The following TMTC2 variants were observed in gnomAD, a reference collection of about 807,000 sequenced individuals.
TMTC2 encodes the protein protein O-mannosyl-transferase TMTC2.
Under a neutral mutation model 82.4 loss-of-function variants are expected in TMTC2, and 43 were observed. That is an observed-to-expected ratio of 0.52 (90% confidence interval 0.41 to 0.67). The LOEUF is 0.67. Ranked by LOEUF, TMTC2 falls within the 30% of genes least tolerant of loss-of-function variation. TMTC2 has a pLI of 0.00. For synonymous variants in TMTC2, 408 were observed against 381.9 expected (o/e 1.07, Z -0.80); for missense variants, 919 against 1,012.4 (o/e 0.91, Z 1.25).
chr12:82,831,991 A>G (rs569524058), intron 1 of TMTC2, among the ~76,000 whole-genome samples: 23 of 152,310 alleles, frequency 1.5e-4, no homozygotes, highest in African/African-American at 5.5e-4. Context: ...CGCTGACTAA[A>G]ACCGGACTCA....
intron 1 of TMTC2, among the ~76,000 whole-genome samples, chr12:82,772,178 A>G (rs1212817476): frequency 6.6e-6 from 1 of 152,208 alleles, no homozygotes; most frequent in Non-Finnish European, 1.5e-5. Context: ...GTTACTGTTT[A>G]TCTTGATAAG....
chr12:82,845,892 A>G (rs1003936503), intron 1 of TMTC2, among the ~76,000 whole-genome samples: 3 of 149,530 alleles, frequency 2.0e-5, no homozygotes, highest in Admixed American at 6.6e-5. Context: ...CGTGATAAAC[A>G]TTCTTTTAAA....
chr12:83,022,653 A>G (rs1039610932), intron 8 of TMTC2, among the ~76,000 whole-genome samples: 1 of 150,920 alleles, frequency 6.6e-6, no homozygotes, highest in Non-Finnish European at 1.5e-5. Flanking sequence ...TACTTTGACC[A>G]TTAGCGTAGT....
intron 1 of TMTC2, among the ~76,000 whole-genome samples, chr12:82,818,958 A>G (rs764676133): frequency 1.3e-5 from 2 of 151,836 alleles, no homozygotes; most frequent in Non-Finnish European, 2.9e-5. Flanking sequence ...TTCTGTTTTT[A>G]AATTTTGGTG....
chr12:82,830,545 A>C (rs7299341), intron 1 of TMTC2, among the ~76,000 whole-genome samples: 24,887 of 151,958 alleles, frequency 0.16, 3,693 homozygotes, highest in African/African-American at 0.4. Context: ...TTTTTCTTAC[A>C]ATGACACCTT....
chr12:83,068,045 A>T (rs1882981477), intron 11 of TMTC2, among the ~76,000 whole-genome samples: 1 of 152,142 alleles, frequency 6.6e-6, no homozygotes, highest in Admixed American at 6.6e-5. Context: ...AGCAATGATT[A>T]TATGTCAAAA....
intron 2 of TMTC2, among the ~76,000 whole-genome samples, chr12:82,888,929 A>C (rs1315557393): frequency 6.6e-6 from 1 of 152,190 alleles, no homozygotes; most frequent in African/African-American, 2.4e-5. Flanking sequence ...AAATATTTTT[A>C]ATTTTGAGAC....
chr12:83,033,932 T>G (rs1881558938), intron 9 of TMTC2, among the ~76,000 whole-genome samples: 1 of 150,572 alleles, frequency 6.6e-6, no homozygotes, highest in African/African-American at 2.4e-5. Flanking sequence ...GGGGTTTTTG[T>G]GGTTTTATTT....
intron 1 of TMTC2, among the ~76,000 whole-genome samples, chr12:82,729,585 C>T (rs1874659594): frequency 6.6e-6 from 1 of 152,100 alleles, no homozygotes. Flanking sequence ...ACTTTTGTGT[C>T]TAGCGCAGGG....
chr12:83,079,614 C>A (rs557036649), intron 11 of TMTC2, among the ~76,000 whole-genome samples: 1 of 152,028 alleles, frequency 6.6e-6, no homozygotes, highest in East Asian at 1.9e-4. Flanking sequence ...CCAGCAATAA[C>A]GAATAAATAT....
intron 4 of TMTC2, among the ~76,000 whole-genome samples, chr12:82,940,837 A>G (rs777011275): frequency 1.3e-5 from 2 of 151,966 alleles, no homozygotes; most frequent in Non-Finnish European, 2.9e-5. Flanking sequence ...AAAGCCTCCT[A>G]GGTCTCACAA....
At chr12:83,047,932 A>G (rs1402966522) in intron 9 of TMTC2, among the ~76,000 whole-genome samples, 5 of 152,216 alleles carry the variant, frequency 3.3e-5, no homozygotes, top group Non-Finnish European at 7.3e-5. Context: ...TGCCCTGGAC[A>G]TTGCTTGTAA....
intron 1 of TMTC2, among the ~76,000 whole-genome samples, chr12:82,830,920 T>C (rs1869711817): frequency 6.6e-6 from 1 of 152,150 alleles, no homozygotes; most frequent in Non-Finnish European, 1.5e-5. Context: ...AGTAAAAATA[T>C]GAAATCACAG....
chr12:82,937,736 G>GGA (rs1225617126), intron 4 of TMTC2, among the ~76,000 whole-genome samples: 443 of 12,416 alleles, frequency 0.036, 2 homozygotes, highest in African/African-American at 0.053. Flanking sequence ...GTGGATGTGT[G>GGA]TGTGTGTGTG....
rs149613117 is a variant in TMTC2 at position 82,821,948 on chromosome 12, G to C, written c.84-35062G>C. Among the ~76,000 whole-genome samples, 85 of 150,470 alleles carry C rather than the reference G, an allele frequency of 5.6e-4. 2 individuals are homozygous for C. Among genetic ancestry groups the C allele is most frequent in the African/African-American group, 2.0e-3 (81 of 41,042 alleles). On this transcript the variant is annotated intron_variant, in intron 1 of 11. Transcript: ENST00000321196. ...TGCCTTGTATCTCTTGCAAGCTACTGTAAAAAGCACTCCTTTACAATGGAG... is the reference window on the plus strand; with the variant it reads ...TGCCTTGTATCTCTTGCAAGCTACTCTAAAAAGCACTCCTTTACAATGGAG...
intron 1 of TMTC2, among the ~76,000 whole-genome samples, chr12:82,764,855 C>A (rs1302925935): frequency 2.1e-5 from 3 of 142,252 alleles, no homozygotes; most frequent in African/African-American, 2.6e-5. Flanking sequence ...TTTTTTTTAA[C>A]ATAAGATGAC....
At chr12:83,026,830 C>T (rs1881203743) in intron 8 of TMTC2, among the ~76,000 whole-genome samples, 1 of 151,624 alleles carries the variant, frequency 6.6e-6, no homozygotes, top group African/African-American at 2.4e-5. Flanking sequence ...TTGCCTTGTA[C>T]ATCCACTCAG....
chr12:82,763,262 C>T lies in TMTC2; in HGVS notation c.83+75593C>T, dbSNP rs910869375. On this transcript the variant is annotated intron_variant, in intron 1 of 11. Coordinates refer to ENST00000321196, the MANE Select transcript of TMTC2 (RefSeq NM_152588.3). ...ACAAACTGAATAGAAGACAGAAAGA[C>T]AGAAAGTAACATGGTAGAACTAACA... Among the ~76,000 whole-genome samples the T allele has an allele frequency of 3.4e-4, 20 of 59,506 alleles. No individual in the cohort carries two copies. In the Admixed American group the frequency reaches 4.1e-3, roughly 12 times the overall value. 39.0% of individuals were successfully genotyped at this position (59,506 alleles called of 152,430 possible). A position where few individuals can be genotyped will look rare whatever the true frequency, so the allele number is the denominator to read the frequency against.
chr12:82,851,487 T>C (rs1870974028), intron 1 of TMTC2, among the ~76,000 whole-genome samples: 1 of 152,196 alleles, frequency 6.6e-6, no homozygotes, highest in Admixed American at 6.5e-5. Context: ...CATGTAATCA[T>C]TTACTCTTCA....
Sources: allele counts gnomAD v4.1 joint callset (sites outside exome capture counted in the v4.1 genomes callset), GRCh38; gene constraint gnomAD v4.1.1; transcripts MANE v1.5; gene names NCBI Gene and HGNC (gene_info 2026-07-23, HGNC 2026-07-21).